Variants in RGS6 observed in about 807,000 individuals in gnomAD.
The protein encoded by RGS6 is regulator of G-protein signaling 6.
RGS6 carries 30 observed loss-of-function variants against 78.5 expected under a neutral mutation model. The ratio of observed to expected loss-of-function variants is 0.38; its 90% CI spans 0.29 to 0.52. The LOEUF (loss-of-function observed/expected upper bound fraction) is 0.52, where lower values mean the gene tolerates loss of function less well. Among genes scored for constraint, RGS6 ranks in the 20% least tolerant of loss-of-function variants. The pLI is 0.85. For synonymous variants in RGS6, 206 were observed against 206.0 expected, an observed-to-expected ratio of 1.00 and a Z score of 0.00; for missense variants, 495 against 609.7, an observed-to-expected ratio of 0.81 and a Z score of 1.98.
intron 1 of RGS6, among the ~76,000 whole-genome samples, chr14:71,955,657 A>G (rs1406038312): frequency 1.3e-5 from 2 of 152,076 alleles, no homozygotes; most frequent in Non-Finnish European, 2.9e-5. Context: ...AGTGAGGACA[A>G]CCAGAGGTCA....
At chr14:72,393,545 C>T (rs2090486483) in intron 3 of RGS6, among the ~76,000 whole-genome samples, 2 of 152,164 alleles carry the variant, frequency 1.3e-5, no homozygotes. Flanking sequence ...GTAGTAAATA[C>T]AAACAGTAGA....
chr14:72,357,818 G>A (rs1455360867), intron 3 of RGS6, among the ~76,000 whole-genome samples: 1 of 152,168 alleles, frequency 6.6e-6, no homozygotes, highest in African/African-American at 2.4e-5. Flanking sequence ...CATAAGTAAG[G>A]AGGAACCAAA....
intron 2 of RGS6, among the ~76,000 whole-genome samples, chr14:72,094,450 C>G (rs2153508901): frequency 6.6e-6 from 1 of 152,196 alleles, no homozygotes; most frequent in South Asian, 2.1e-4. Context: ...GACAAATGAC[C>G]TTGCTTTTAC....
chr14:72,161,566 C>CG (rs1256554852), intron 2 of RGS6, among the ~76,000 whole-genome samples: 1 of 152,092 alleles, frequency 6.6e-6, no homozygotes, highest in African/African-American at 2.4e-5. Flanking sequence ...TTGGATGAGG[C>CG]GGGGTGGAAT....
At chr14:72,606,430 G>A in the RGS6 span, among the ~76,000 whole-genome samples, 2 of 152,082 alleles carry the variant, frequency 1.3e-5, no homozygotes, top group African/African-American at 4.8e-5. Flanking sequence ...CCCAGGGAGG[G>A]GAAACCATAT....
chr14:72,513,154 C>T (rs1479947525), intron 14 of RGS6, among the ~76,000 whole-genome samples: 1 of 152,192 alleles, frequency 6.6e-6, no homozygotes, highest in African/African-American at 2.4e-5. Context: ...TCCTGTGCTC[C>T]CTCTCATCTC....
At chr14:72,552,952 C>T (rs565104472) in intron 17 of RGS6, among the ~76,000 whole-genome samples, 2 of 152,232 alleles carry the variant, frequency 1.3e-5, no homozygotes, top group South Asian at 2.1e-4. Flanking sequence ...GAAAACTCTA[C>T]AGCCAAACAA....
intron 3 of RGS6, among the ~76,000 whole-genome samples, chr14:72,425,903 C>G (rs538254384): frequency 1.3e-5 from 2 of 152,036 alleles, no homozygotes; most frequent in Non-Finnish European, 2.9e-5. Context: ...GGAAGTGATA[C>G]GCTATCGTAC....
intron 2 of RGS6, among the ~76,000 whole-genome samples, chr14:72,241,458 T>C (rs1280305149): frequency 2.6e-5 from 4 of 152,186 alleles, no homozygotes; most frequent in Non-Finnish European, 4.4e-5. Context: ...CCTTTTTTTC[T>C]CTCTCTCTTA....
chr14:72,463,796 T>G (rs2095839761), intron 6 of RGS6, among the ~76,000 whole-genome samples: 1 of 152,206 alleles, frequency 6.6e-6, no homozygotes, highest in South Asian at 2.1e-4. Flanking sequence ...TGTCCCTAAT[T>G]CTGCCAGGGG....
At chr14:72,151,949 A>G (rs1041073717) in intron 2 of RGS6, among the ~76,000 whole-genome samples, 1 of 152,206 alleles carries the variant, frequency 6.6e-6, no homozygotes, top group Non-Finnish European at 1.5e-5. Context: ...TTAATGGAAG[A>G]AACATGAACT....
intron 2 of RGS6, among the ~76,000 whole-genome samples, chr14:72,197,089 G>A (rs545303634): frequency 8.5e-5 from 13 of 152,116 alleles, no homozygotes; most frequent in Non-Finnish European, 1.8e-4. Context: ...CTTTTGAGAC[G>A]GAGTCTTGCT....
intron 2 of RGS6, among the ~76,000 whole-genome samples, chr14:72,049,309 C>T (rs1376253803): frequency 6.6e-6 from 1 of 152,096 alleles, no homozygotes; most frequent in Non-Finnish European, 1.5e-5. Context: ...GAAACTGCCA[C>T]CTTTTGGAAT....
rs978909768 is a variant in RGS6 at position 71,963,778 on chromosome 14, G to A, written c.-20-994G>A. Reference sequence around the variant, plus strand: ...TCCATTCATGCACTGATAGACATTTGGGTTGTTTCCCCCTTTTAACTATTG... The same window carrying A: ...TCCATTCATGCACTGATAGACATTTAGGTTGTTTCCCCCTTTTAACTATTG... On this transcript the variant is annotated intron_variant, in intron 1 of 17. Transcript: ENST00000553525. Among the ~76,000 whole-genome samples, 5 of 152,228 alleles carry A rather than the reference G, an allele frequency of 3.3e-5. No individual in the cohort carries two copies. In the East Asian group the frequency reaches 9.7e-4, roughly 29 times the overall value.
chr14:72,204,240 G>A (rs935768304), intron 2 of RGS6, among the ~76,000 whole-genome samples: 4 of 152,158 alleles, frequency 2.6e-5, no homozygotes, highest in African/African-American at 9.7e-5. Flanking sequence ...GAAACTTGAA[G>A]CTACAGTGTT....
At chr14:72,561,730 T>C (rs1359888812) in intron 17 of RGS6, among the ~76,000 whole-genome samples, 1 of 152,216 alleles carries the variant, frequency 6.6e-6, no homozygotes, top group Non-Finnish European at 1.5e-5. Context: ...GAAGGGCTTG[T>C]AGGCTTTCCT....
intron 6 of RGS6, among the ~76,000 whole-genome samples, chr14:72,465,160 GAGA>G (rs2095869336): frequency 1.3e-5 from 2 of 152,202 alleles, no homozygotes. Flanking sequence ...CTGCATGAGG[GAGA>G]AGAAGTTGAT....
intron 2 of RGS6, among the ~76,000 whole-genome samples, chr14:72,217,850 C>T (rs185484645): frequency 6.6e-6 from 1 of 152,222 alleles, no homozygotes. Context: ...TAATGCCAAA[C>T]ACTCCAGGTA....
intron 2 of RGS6, among the ~76,000 whole-genome samples, chr14:72,106,917 T>C (rs2095644676): frequency 6.6e-6 from 1 of 152,212 alleles, no homozygotes; most frequent in South Asian, 2.1e-4. Flanking sequence ...TAGGTGGGAC[T>C]GCGTTTTTTG....
Sources: gnomAD v4.1 joint callset for allele counts (sites outside exome capture counted in the v4.1 genomes callset) on GRCh38, gnomAD v4.1.1 for gene constraint, MANE v1.5 for transcripts, NCBI Gene and HGNC (gene_info 2026-07-23, HGNC 2026-07-21) for gene names.